The following JAG1 variants were observed in gnomAD, a reference collection of about 807,000 sequenced individuals.
JAG1 encodes jagged canonical Notch ligand 1.
JAG1 carries 23 observed loss-of-function variants against 148.7 expected under a neutral mutation model. The observed-to-expected ratio is 0.15, with a 90% CI of 0.11 to 0.22. JAG1 has a LOEUF of 0.22. JAG1 is among the 10% of genes least tolerant of loss of function. The probability of loss-of-function intolerance (pLI) is 1.00; values close to 1 mark genes in which losing one functional copy is unlikely to be tolerated. For synonymous variants in JAG1, 572 were observed against 598.3 expected (o/e 0.96, Z 0.64); for missense variants, 1,054 against 1,611.2 (o/e 0.65, Z 5.92).
chr20:10,649,244 C>T (rs1018103044), intron 10 of JAG1, 137 bp from the exon 11 acceptor site: 27 of 701,086 alleles, frequency 3.9e-5, no homozygotes, highest in East Asian at 1.1e-4. Context: ...AAGGTTATTA[C>T]GCTGGGTGGG....
rs369853499 is a variant in JAG1, at chr20:10,672,479, T to G, written c.387+222A>C. ...AAACCCTCTGGGATCCCCACTTTTG[T>G]GCACTAAGCAAATAGCAGCAGGAAT... is the stretch of plus-strand genomic sequence containing the variant. On this transcript the variant is annotated intron_variant, in intron 2 of 25. Coordinates refer to ENST00000254958, the MANE Select transcript of JAG1 (RefSeq NM_000214.3). Among the ~76,000 whole-genome samples, 45 of 152,308 alleles carry G rather than the reference T, an allele frequency of 3.0e-4. 1 individual carries two copies. The South Asian group carries it at 8.1e-3, about 27-fold the overall frequency.
chr20:10,640,707 G>T, intron 25 of JAG1, 76 bp downstream of exon 25: 1 of 1,499,472 alleles, frequency 6.7e-7, no homozygotes, highest in South Asian at 1.1e-5. Flanking sequence ...ATAATCCCTC[G>T]ACCTGATGGC....
At chr20:10,649,980 C>T (rs904509298) in intron 9 of JAG1, among the ~76,000 whole-genome samples, 1 of 152,190 alleles carries the variant, frequency 6.6e-6, no homozygotes, top group Admixed American at 6.5e-5. Flanking sequence ...ATGAGATCAT[C>T]CCCTTTTGGA....
Position 10,673,102 on chromosome 20 carries a change from C to T in JAG1, c.82-96G>A, listed in dbSNP as rs2067509442. 3 of 1,124,068 alleles carry T rather than the reference C, an allele frequency of 2.7e-6. No homozygotes were observed. Among genetic ancestry groups the T allele is most frequent in the Non-Finnish European group, 3.9e-6 (3 of 760,744 alleles). 69.6% of individuals were successfully genotyped at this position (1,124,068 alleles called of 1,614,324 possible). On this transcript the variant is annotated intron_variant, in intron 1 of 25. Coordinates refer to ENST00000254958, the MANE Select transcript of JAG1 (RefSeq NM_000214.3). This position sits in a 1 kb window ranked among gnomAD's most constrained non-coding sequence, Gnocchi z 4.7. Reference sequence around the variant, plus strand: ...CCCTCCCACTCCCCGCCCCGACGAGCCCTCCTCGCCGAGTGAAAATAATTT... The same window carrying T: ...CCCTCCCACTCCCCGCCCCGACGAGTCCTCCTCGCCGAGTGAAAATAATTT...
At chr20:10,656,602 T>C in intron 4 of JAG1, 144 bp from the exon 5 acceptor site, 1 of 692,782 alleles carries the variant, frequency 1.4e-6, no homozygotes, top group African/African-American at 1.8e-5. Context: ...GAGAGGAAGA[T>C]GGGAGGGGCC....
chr20:10,667,507 G>A (rs2067463017), intron 2 of JAG1, among the ~76,000 whole-genome samples: 1 of 152,216 alleles, frequency 6.6e-6, no homozygotes, highest in African/African-American at 2.4e-5. Flanking sequence ...AGAAAAGGTT[G>A]CAGGGAGTCC....
intron 8 of JAG1, chr20:10,650,726 T>C: frequency 6.7e-6 from 2 of 299,910 alleles, no homozygotes; most frequent in South Asian, 6.9e-5. Context: ...AATAGTTCTT[T>C]ACAGGTGGAA....
At position 10,641,179 on chromosome 20, in the gene JAG1, A is replaced by T. The variant is rs1340131717; in HGVS notation, c.2982T>A (p.Ala994=). The change falls in exon 24 of 26, where the codon GCT becomes GCA. Residue 994 remains alanine (A), a synonymous_variant. Transcript: ENST00000254958. Reference sequence around the variant, plus strand: ...CGCAAGCGATGTAGATTGAATATTCAGCGGAAACATTCTTCAAAATATTCA... The same window carrying T: ...CGCAAGCGATGTAGATTGAATATTCTGCGGAAACATTCTTCAAAATATTCA... ...RNLNILKNVS[A]EYSIYIACEP... 3 of 1,614,000 alleles carry T rather than the reference A, an allele frequency of 1.9e-6. No homozygotes were observed. The South Asian group carries it at 3.3e-5, about 18-fold the overall frequency.
rs767187561 is a variant in JAG1, at chr20:10,652,210, C to A, written c.927G>T (p.Gly309=). 6.2e-7 allele frequency: 1 copy of A among 1,613,926 alleles called. No homozygotes were observed. The highest frequency in any genetic ancestry group is 8.5e-7 in the Non-Finnish European group (1 of 1,179,972). ...CAGGGCCTGTGTTGCTACAAGTTCC[C>A]CCGTTGAGACACGGCTGATGAGTCC... The part of the protein sequence containing the change: ...YCGTHQPCLN[G]GTCSNTGPDK... Residue 309 remains glycine, a synonymous_variant, in exon 7 of 26, where the codon GGG becomes GGT. Coordinates refer to ENST00000254958, the MANE Select transcript of JAG1 (RefSeq NM_000214.3).
At chr20:10,655,574 A>G (rs753728516) in intron 5 of JAG1, among the ~76,000 whole-genome samples, 1 of 152,338 alleles carries the variant, frequency 6.6e-6, no homozygotes, top group East Asian at 1.9e-4. Context: ...ACTATGTTTC[A>G]TAAGATTCCC....
At position 10,638,804 on chromosome 20, in the gene JAG1, AAC is replaced by A. The variant is rs1472623048; in HGVS notation, c.*692_*693del. ...ATGCTATCAAAAACCTTCAATTCTA[AAC>A]ACATACATATAAATAAAAAGGAATG... is the stretch of plus-strand genomic sequence containing the variant. On this transcript the variant is annotated 3_prime_UTR_variant, in exon 26 of 26. Transcript: ENST00000254958. 1 of 152,780 alleles carries A rather than the reference AAC, an allele frequency of 6.5e-6. No homozygotes were observed. The highest frequency in any genetic ancestry group is 2.4e-5 in the African/African-American group (1 of 41,468). 9.5% of individuals were successfully genotyped at this position (152,780 alleles called of 1,614,324 possible).
At position 10,645,114 on chromosome 20, in the gene JAG1, T is replaced by C; in HGVS notation, c.2227+29A>G. ...GACACGCCCAGGTGGCCATGCCCAC[T>C]GCAGATCCCACGTGGGGCATAAAGT... On this transcript the variant is annotated intron_variant, in intron 17 of 25. Coordinates refer to ENST00000254958, the MANE Select transcript of JAG1 (RefSeq NM_000214.3). This position sits in a 1 kb window ranked among gnomAD's most constrained non-coding sequence, Gnocchi z 6.1. 6.3e-7 allele frequency: 1 copy of C among 1,577,112 alleles called. No individual in the cohort carries two copies. The highest frequency in any genetic ancestry group is 8.7e-7 in the Non-Finnish European group (1 of 1,146,254).
intron 12 of JAG1, among the ~76,000 whole-genome samples, 180 bp from the exon 13 acceptor site, chr20:10,648,290 C>T (rs566173146): frequency 6.6e-5 from 10 of 152,140 alleles, no homozygotes; most frequent in South Asian, 2.1e-4. Context: ...TTTGAAACAA[C>T]GGGGCAGAGT....
intron 3 of JAG1, 47 bp downstream of exon 3, chr20:10,663,916 A>T (rs1568803311): frequency 6.5e-7 from 1 of 1,532,144 alleles, no homozygotes; most frequent in Non-Finnish European, 9.0e-7. Context: ...GCCAAGCCCC[A>T]CACTTCCACG....
intron 2 of JAG1, among the ~76,000 whole-genome samples, chr20:10,665,205 G>A (rs1486022922): frequency 2.0e-5 from 3 of 152,192 alleles, no homozygotes; most frequent in Admixed American, 1.3e-4. Context: ...AAAAGGGAGG[G>A]TAAAAGGGAG....
At chr20:10,647,293 C>CA (rs1181974454) in intron 13 of JAG1, 190 bp from the exon 14 acceptor site, 4 of 656,770 alleles carry the variant, frequency 6.1e-6, no homozygotes, top group Non-Finnish European at 1.1e-5. Context: ...AGACTCCAGG[C>CA]AAAGAGTTTT....
Position 10,645,367 on chromosome 20 carries a change from G to T in JAG1, c.2102C>A (p.Thr701Asn). The change falls in exon 16 of 26, where the codon ACC (threonine) becomes AAC (asparagine). Residue 701 changes from threonine to asparagine, a missense_variant. Coordinates refer to ENST00000254958, the MANE Select transcript of JAG1 (RefSeq NM_000214.3). This position sits in a 1 kb window ranked among gnomAD's most constrained non-coding sequence, Gnocchi z 6.1. ...CDCKNGWKGK[T>N]CHSRDSQCDE... ...CAACTACCACTTACGTGAGTGGCAG[G>T]TCTTTCCTTTCCACCCATTTTTACA... is the stretch of plus-strand genomic sequence containing the variant. 9 of 1,612,638 alleles carry T rather than the reference G, an allele frequency of 5.6e-6. No individual in the cohort carries two copies. The highest frequency in any genetic ancestry group is 7.6e-6 in the Non-Finnish European group (9 of 1,179,588).
rs56225585 is a variant in JAG1 at position 10,643,854 on chromosome 20, G to A, written c.2382C>T (p.Ser794=). The part of the protein sequence containing the change: ...NDCSPHPCYN[S]GTCVDGDNWY... ...AGTTGTCTCCATCCACACAGGTGCC[G>A]CTGTTGTAACTAAGAAAGCAAAGAC... Residue 794 remains serine, a synonymous_variant, in exon 20 of 26, where the codon AGC becomes AGT. Coordinates refer to ENST00000254958, the MANE Select transcript of JAG1 (RefSeq NM_000214.3). 26,379 of 1,613,512 alleles carry A rather than the reference G, an allele frequency of 0.016. 3,124 individuals carry two copies. The African/African-American group carries it at 0.28, about 17-fold the overall frequency.
chr20:10,640,117 A>G (rs1175312846), intron 25 of JAG1, among the ~76,000 whole-genome samples, 162 bp from the exon 26 acceptor site: 3 of 152,198 alleles, frequency 2.0e-5, no homozygotes, highest in Admixed American at 6.5e-5. Flanking sequence ...TCACTTCACA[A>G]CTTGATAAGC....
Sources: allele counts gnomAD v4.1 joint callset (sites outside exome capture counted in the v4.1 genomes callset), GRCh38; gene constraint gnomAD v4.1.1; non-coding constraint Gnocchi (gnomAD v3.1); transcripts MANE v1.5; gene names NCBI Gene and HGNC (gene_info 2026-07-23, HGNC 2026-07-21).